PRKCE: variants seen among roughly 807,000 people sequenced by gnomAD.
The protein encoded by PRKCE is protein kinase C epsilon.
In PRKCE, 16 loss-of-function variants were observed where a neutral mutation model predicts 85.4. The observed-to-expected ratio is 0.19, with a 90% CI of 0.13 to 0.28. PRKCE has a LOEUF of 0.28. Among genes scored for constraint, PRKCE ranks in the 10% least tolerant of loss-of-function variants. The pLI is 1.00. For synonymous variants in PRKCE, 388 were observed against 371.5 expected (o/e 1.04, Z -0.51); for missense variants, 573 against 975.2 (o/e 0.59, Z 5.49).
At chr2:45,929,140 G>C (rs1698849059) in intron 2 of PRKCE, among the ~76,000 whole-genome samples, 1 of 152,128 alleles carries the variant, frequency 6.6e-6, no homozygotes, top group South Asian at 2.1e-4. Context: ...TTACAGACTT[G>C]TCATGATCTG....
chr2:46,120,688 G>C (rs1029785480), intron 11 of PRKCE, among the ~76,000 whole-genome samples: 2 of 152,166 alleles, frequency 1.3e-5, no homozygotes, highest in African/African-American at 4.8e-5. Flanking sequence ...CATAAGGGGA[G>C]AGACTTCCAT....
In PRKCE at chr2:45,884,978, TATATATATATATATATATATATA is replaced by T. The variant is rs1558793018; in HGVS notation, c.412+41916_412+41938del. On this transcript the variant is annotated intron_variant, in intron 2 of 14. Coordinates refer to ENST00000306156, the MANE Select transcript of PRKCE (RefSeq NM_005400.3). ...CCATATATATATATATATATATATA[TATATATATATATATATATATATA>T]TTTGTTGTTGTTGTTGTTGTTTTAC... Among the ~76,000 whole-genome samples, 84 of 69,210 alleles carry T rather than the reference TATATATATATATATATATATATA, an allele frequency of 1.2e-3. 3 individuals are homozygous for T. Among genetic ancestry groups the T allele is most frequent in the African/African-American group, 2.8e-3 (67 of 23,790 alleles). 45.4% of individuals were successfully genotyped at this position (69,210 alleles called of 152,430 possible).
At position 46,068,983 on chromosome 2, in the gene PRKCE, A is replaced by G. The variant is rs1667849489; in HGVS notation, c.1438-17225A>G. On this transcript the variant is annotated intron_variant, in intron 10 of 14. Coordinates refer to ENST00000306156, the MANE Select transcript of PRKCE (RefSeq NM_005400.3). This position sits in a 1 kb window ranked among gnomAD's most constrained non-coding sequence, Gnocchi z 4.3. ...TCCGGTCCCAACTTAGACCTGCAGA[A>G]TCAGAATATTTGGGTGTGGAGTCCA... Among the ~76,000 whole-genome samples the G allele has an allele frequency of 6.6e-6, 1 of 152,236 alleles. No homozygotes were observed. The highest frequency in any genetic ancestry group is 2.1e-4 in the South Asian group (1 of 4,828).
chr2:45,796,849 C>G (rs1573392588), intron 1 of PRKCE, among the ~76,000 whole-genome samples: 1 of 152,282 alleles, frequency 6.6e-6, no homozygotes, highest in East Asian at 1.9e-4. Flanking sequence ...AACTCCTGGC[C>G]TCAAGTGATC....
chr2:45,744,471 TTCTTTCTTTCTTTCTTTTTC>T (rs1558623621), intron 1 of PRKCE, among the ~76,000 whole-genome samples: 2 of 58,238 alleles, frequency 3.4e-5, no homozygotes, highest in East Asian at 4.8e-4. Flanking sequence ...CTTTCTTTCT[TTCTTTCTTTCTTTCTTTTTC>T]TTTCTTTCTT....
intron 1 of PRKCE, among the ~76,000 whole-genome samples, chr2:45,659,928 C>A (rs1431386743): frequency 2.0e-5 from 3 of 151,520 alleles, no homozygotes; most frequent in African/African-American, 7.3e-5. Flanking sequence ...AATACCAGAA[C>A]ACCAGACGCT....
chr2:46,172,389 T>C (rs1574663471), intron 14 of PRKCE, among the ~76,000 whole-genome samples: 1 of 152,362 alleles, frequency 6.6e-6, no homozygotes, highest in South Asian at 2.1e-4. Context: ...TGGCCCCATG[T>C]GGCTGGAATG....
Position 45,976,430 on chromosome 2 carries a change from C to A in PRKCE, c.414C>A (p.Ala138=), listed in dbSNP as rs1436841435. ...IIDLSGSSGE[A]PKDNEERVFR... is the part of the protein sequence containing the mutation. ...TTCCCTGCTCTTGTCCTTCCCCAGC[C>A]CCTAAAGACAATGAAGAGCGTGTGT... Residue 138 remains alanine, a splice_region_variant and synonymous_variant, in exon 3 of 15, where the codon GCC becomes GCA. Transcript: ENST00000306156. 3.8e-6 allele frequency: 6 copies of A among 1,599,428 alleles called. No homozygotes were observed. The African/African-American group carries it at 6.7e-5, about 18-fold the overall frequency.
intron 11 of PRKCE, among the ~76,000 whole-genome samples, chr2:46,137,189 T>C (rs1473397629): frequency 1.3e-5 from 2 of 152,162 alleles, no homozygotes; most frequent in African/African-American, 4.8e-5. Context: ...GTCTTAAAGA[T>C]ATGTTGGACC....
chr2:46,170,292 C>T (rs1352650810), intron 14 of PRKCE, among the ~76,000 whole-genome samples: 1 of 152,174 alleles, frequency 6.6e-6, no homozygotes, highest in Admixed American at 6.5e-5. Flanking sequence ...AGCCACATAG[C>T]ATGTACTTTT....
At chr2:45,724,016 C>G (rs968132818) in intron 1 of PRKCE, among the ~76,000 whole-genome samples, 1 of 152,216 alleles carries the variant, frequency 6.6e-6, no homozygotes, top group Non-Finnish European at 1.5e-5. Context: ...CTAGAACCTC[C>G]ACTTTTCACT....
intron 1 of PRKCE, among the ~76,000 whole-genome samples, chr2:45,755,304 T>C (rs1260472957): frequency 6.6e-6 from 1 of 152,182 alleles, no homozygotes; most frequent in African/African-American, 2.4e-5. Flanking sequence ...ACAGTGGCAC[T>C]CAATAAAGGT....
In PRKCE at chr2:45,895,926, G is replaced by A. The variant is rs146771372; in HGVS notation, c.412+52863G>A. Among the ~76,000 whole-genome samples the A allele has an allele frequency of 2.5e-3, 376 of 152,318 alleles. 1 individual carries two copies. Among genetic ancestry groups the A allele is most frequent in the African/African-American group, 7.9e-3 (328 of 41,566 alleles). ...GTCTGGGCTGTGGCTGAAGTTCACC[G>A]TGTGACACTGTCCACGAGGAAGGCC... On this transcript the variant is annotated intron_variant, in intron 2 of 14. Transcript: ENST00000306156. The surrounding 1 kb of genome is among the most constrained non-coding windows in gnomAD (Gnocchi z 4.8).
intron 1 of PRKCE, among the ~76,000 whole-genome samples, chr2:45,660,679 A>G (rs1675595847): frequency 6.6e-6 from 1 of 152,232 alleles, no homozygotes; most frequent in South Asian, 2.1e-4. Flanking sequence ...CAGGCCTGCA[A>G]TATTTTACAT....
At chr2:45,761,981 C>T (rs1001192210) in intron 1 of PRKCE, among the ~76,000 whole-genome samples, 6 of 152,150 alleles carry the variant, frequency 3.9e-5, no homozygotes, top group Admixed American at 2.6e-4. Flanking sequence ...TACTGCAGAT[C>T]AGGCATTGAT....
chr2:46,033,884 G>A (rs550654002), intron 10 of PRKCE, among the ~76,000 whole-genome samples: 16 of 152,312 alleles, frequency 1.1e-4, no homozygotes, highest in African/African-American at 3.8e-4. Flanking sequence ...AGGGGAAAGA[G>A]CATTTCTGAT....
chr2:45,975,265 G>T (rs1702371854), intron 2 of PRKCE, among the ~76,000 whole-genome samples: 1 of 152,202 alleles, frequency 6.6e-6, no homozygotes, highest in South Asian at 2.1e-4. Flanking sequence ...TTGCCAGAGC[G>T]TAAGCCCACG....
At chr2:46,123,647 C>A (rs965181437) in intron 11 of PRKCE, among the ~76,000 whole-genome samples, 7 of 152,152 alleles carry the variant, frequency 4.6e-5, no homozygotes, top group Non-Finnish European at 1.0e-4. Context: ...CACCACCATG[C>A]CCAACTAATT....
At chr2:45,765,221 CCTTT>C (rs1466694869) in intron 1 of PRKCE, among the ~76,000 whole-genome samples, 4 of 152,184 alleles carry the variant, frequency 2.6e-5, no homozygotes, top group Non-Finnish European at 5.9e-5. Flanking sequence ...TTCAGTGTTT[CCTTT>C]ATTTTTGTTT....
Sources: gnomAD v4.1 joint callset for allele counts (sites outside exome capture counted in the v4.1 genomes callset) on GRCh38, gnomAD v4.1.1 for gene constraint, Gnocchi (gnomAD v3.1) non-coding constraint, MANE v1.5 for transcripts, NCBI Gene and HGNC (gene_info 2026-07-23, HGNC 2026-07-21) for gene names.